The following MAP3K2 variants were observed in gnomAD, a reference collection of about 807,000 sequenced individuals.
The protein encoded by MAP3K2 is MAP/ERK kinase kinase 2.
MAP3K2 carries 24 observed loss-of-function variants against 80.3 expected under a neutral mutation model. The ratio of observed to expected loss-of-function variants is 0.30; its 90% confidence interval spans 0.22 to 0.42. MAP3K2 has a LOEUF of 0.42. MAP3K2 is among the 10% of genes least tolerant of loss of function. MAP3K2 has a pLI of 1.00. For synonymous variants in MAP3K2, 244 were observed against 253.7 expected, an observed-to-expected ratio of 0.96 and a Z score of 0.36; for missense variants, 608 against 750.1, an observed-to-expected ratio of 0.81 and a Z score of 2.21.
chr2:127,346,409 T>TAAAAA (rs1223353072), intron 1 of MAP3K2, among the ~76,000 whole-genome samples: 1,569 of 84,650 alleles, frequency 0.019, 12 homozygotes, highest in Middle Eastern at 0.027. Flanking sequence ...AAAACTGGTT[T>TAAAAA]TAAAAAAAAA....
intron 1 of MAP3K2, among the ~76,000 whole-genome samples, chr2:127,349,521 C>T (rs778859949): frequency 2.0e-4 from 31 of 152,012 alleles, no homozygotes; most frequent in Non-Finnish European, 4.1e-4. Flanking sequence ...CACTGTATTA[C>T]CTCAGTTTTT....
At position 127,330,078 on chromosome 2, in the gene MAP3K2, C is replaced by T. The variant is rs567951964; in HGVS notation, c.379-70G>A. Reference sequence around the variant, plus strand: ...GCTTTAAACAGAATCCTCTCCCCTACCAAGTACAAAACATTTTATATTGTT... The same window carrying T: ...GCTTTAAACAGAATCCTCTCCCCTATCAAGTACAAAACATTTTATATTGTT... On this transcript the variant is annotated intron_variant, in intron 6 of 16. Transcript: ENST00000682094. 3.6e-5 allele frequency: 30 copies of T among 840,580 alleles called. 1 individual carries two copies. The South Asian group carries it at 4.4e-4, about 12-fold the overall frequency. 52.1% of individuals were successfully genotyped at this position (840,580 alleles called of 1,614,324 possible).
chr2:127,309,729 G>A (rs918051816), intron 15 of MAP3K2, among the ~76,000 whole-genome samples: 1 of 152,106 alleles, frequency 6.6e-6, no homozygotes, highest in Non-Finnish European at 1.5e-5. Flanking sequence ...CCTCAATTAG[G>A]ATTTGTCTCA....
At chr2:127,357,781 CT>C (rs1236290323) in intron 1 of MAP3K2, among the ~76,000 whole-genome samples, 1 of 151,942 alleles carries the variant, frequency 6.6e-6, no homozygotes, top group East Asian at 1.9e-4. Context: ...AGCTGGATAC[CT>C]CAGCTGTCAC....
In MAP3K2 at chr2:127,299,434, A is replaced by G. The variant is rs1685548571; in HGVS notation, c.*8145T>C. On this transcript the variant is annotated 3_prime_UTR_variant, in exon 17 of 17. Transcript: ENST00000682094. ...GACCTTGCCCAGTGATAGAAAAACT[A>G]AAAGTTGAAATCTTTTGGGGTGGAA... 1 of 152,198 alleles carries G rather than the reference A, an allele frequency of 6.6e-6. No homozygotes were observed. Among genetic ancestry groups the G allele is most frequent in the East Asian group, 1.9e-4 (1 of 5,202 alleles). 9.4% of individuals were successfully genotyped at this position (152,198 alleles called of 1,614,324 possible). A position where few individuals can be genotyped will look rare whatever the true frequency, so the allele number is the denominator to read the frequency against.
At chr2:127,355,424 A>G (rs932167596) in intron 1 of MAP3K2, among the ~76,000 whole-genome samples, 1 of 152,188 alleles carries the variant, frequency 6.6e-6, no homozygotes, top group South Asian at 2.1e-4. Flanking sequence ...ACATCATAAT[A>G]AAGTGAATTT....
Position 127,322,369 on chromosome 2 carries a change from C to CA in MAP3K2, c.839-118dup. 1 of 626,332 alleles carries CA rather than the reference C, an allele frequency of 1.6e-6. No homozygotes were observed. The highest frequency in any genetic ancestry group is 2.7e-6 in the Non-Finnish European group (1 of 364,392). 38.8% of individuals were successfully genotyped at this position (626,332 alleles called of 1,614,324 possible). On this transcript the variant is annotated intron_variant, in intron 11 of 16. Coordinates refer to ENST00000682094, the MANE Select transcript of MAP3K2 (RefSeq NM_001371910.2). This position sits in a 1 kb window ranked among gnomAD's most constrained non-coding sequence, Gnocchi z 4.2. Reference sequence around the variant, plus strand: ...TGTCCTGTGACTAGGCTAAGAAACTCAAATAGGAATGATTGGGTGGGAAAA... The same window carrying CA: ...TGTCCTGTGACTAGGCTAAGAAACTCAAAATAGGAATGATTGGGTGGGAAAA...
At chr2:127,370,731 G>A (rs1259197142) in intron 1 of MAP3K2, among the ~76,000 whole-genome samples, 1 of 152,148 alleles carries the variant, frequency 6.6e-6, no homozygotes, top group African/African-American at 2.4e-5. Context: ...AGGACAACAG[G>A]TCCCAGTAAC....
At chr2:127,330,884 T>C (rs1270032410) in intron 5 of MAP3K2, among the ~76,000 whole-genome samples, 3 of 152,188 alleles carry the variant, frequency 2.0e-5, no homozygotes, top group African/African-American at 7.2e-5. Flanking sequence ...TTCTTCTGTA[T>C]AGATGAAACT....
Position 127,322,320 on chromosome 2 carries a change from T to C in MAP3K2, c.839-68A>G. 1 of 1,031,090 alleles carries C rather than the reference T, an allele frequency of 9.7e-7. No homozygotes were observed. The highest frequency in any genetic ancestry group is 1.4e-6 in the Non-Finnish European group (1 of 709,270). The allele number at this position is 1,031,090 out of a possible 1,614,324, so 63.9% of individuals were successfully genotyped here. A position where few individuals can be genotyped will look rare whatever the true frequency, so the allele number is the denominator to read the frequency against. ...TGTTATACTTTTAAAGTATTTAAAATTTGTAATGTAGAGAATAGAAATTTG... is the reference window on the plus strand; with the variant it reads ...TGTTATACTTTTAAAGTATTTAAAACTTGTAATGTAGAGAATAGAAATTTG... On this transcript the variant is annotated intron_variant, in intron 11 of 16. Transcript: ENST00000682094. This position sits in a 1 kb window ranked among gnomAD's most constrained non-coding sequence, Gnocchi z 4.2.
chr2:127,382,765 A>T (rs886172768), intron 1 of MAP3K2, among the ~76,000 whole-genome samples: 8 of 152,308 alleles, frequency 5.3e-5, no homozygotes, highest in Admixed American at 5.2e-4. Context: ...ACCTCAGGTG[A>T]TCCGCCTGCC....
chr2:127,302,338 A>G lies in MAP3K2; in HGVS notation c.*5241T>C, dbSNP rs755638824. ...ATGACTACACTCACTGTATGTCATCAGTAGGTCATACATTTGAGTTGTTCT... is the reference window on the plus strand; with the variant it reads ...ATGACTACACTCACTGTATGTCATCGGTAGGTCATACATTTGAGTTGTTCT... On this transcript the variant is annotated 3_prime_UTR_variant, in exon 17 of 17. Transcript: ENST00000682094. The G allele has an allele frequency of 1.3e-5, 2 of 152,142 alleles. No homozygotes were observed. The highest frequency in any genetic ancestry group is 2.4e-5 in the African/African-American group (1 of 41,438). The allele number at this position is 152,142 out of a possible 1,614,324, so 9.4% of individuals were successfully genotyped here. A position where few individuals can be genotyped will look rare whatever the true frequency, so the allele number is the denominator to read the frequency against.
rs935632335 is a variant in MAP3K2 at position 127,305,201 on chromosome 2, C to G, written c.*2378G>C. On this transcript the variant is annotated 3_prime_UTR_variant, in exon 17 of 17. Coordinates refer to ENST00000682094, the MANE Select transcript of MAP3K2 (RefSeq NM_001371910.2). ...GACCAAAAACGAGCCAAAGGAAAAG[C>G]ACAACTACACAAGACAGATATGAAG... 6.6e-6 allele frequency: 1 copy of G among 152,514 alleles called. No homozygotes were observed. The highest frequency in any genetic ancestry group is 1.5e-5 in the Non-Finnish European group (1 of 68,026). The allele number at this position is 152,514 out of a possible 1,614,324, so 9.4% of individuals were successfully genotyped here. A position where few individuals can be genotyped will look rare whatever the true frequency, so the allele number is the denominator to read the frequency against.
intron 15 of MAP3K2, 106 bp downstream of exon 15, chr2:127,314,648 T>G: frequency 1.1e-6 from 1 of 895,226 alleles, no homozygotes; most frequent in South Asian, 1.8e-5. Context: ...CCCTGTAGTA[T>G]TTCAGAGACA....
Position 127,322,618 on chromosome 2 carries a change from A to C in MAP3K2, c.839-366T>G, listed in dbSNP as rs1573983149. 6.6e-6 allele frequency among the ~76,000 whole-genome samples: 1 copy of C among 152,074 alleles called. No homozygotes were observed. The highest frequency in any genetic ancestry group is 2.4e-5 in the African/African-American group (1 of 41,424). On this transcript the variant is annotated intron_variant, in intron 11 of 16. Transcript: ENST00000682094. This position sits in a 1 kb window ranked among gnomAD's most constrained non-coding sequence, Gnocchi z 4.2. ...TTTTTTTCTTTTCTTTTTGAGATGG[A>C]GTTTCACTCTTGTTGCCCAGGCTGG... is the stretch of plus-strand genomic sequence containing the variant.
chr2:127,358,074 C>T (rs1157256406), intron 1 of MAP3K2, among the ~76,000 whole-genome samples: 1 of 151,820 alleles, frequency 6.6e-6, no homozygotes, highest in East Asian at 1.9e-4. Context: ...AAACACATAC[C>T]TGACAAAATA....
intron 5 of MAP3K2, 111 bp downstream of exon 5, chr2:127,335,759 C>A (rs1044562693): frequency 4.2e-5 from 24 of 571,816 alleles, no homozygotes; most frequent in Admixed American, 1.5e-4. Flanking sequence ...TTCTGACATA[C>A]CATATATTTA....
Position 127,328,899 on chromosome 2 carries a change from CT to C in MAP3K2, c.466+1021del, listed in dbSNP as rs577506806. ...TAACTTTTCTCTTTTAAATCCGCCC[CT>C]CATACATGTTTTCATGCCATCTTTA... On this transcript the variant is annotated intron_variant, in intron 7 of 16. Coordinates refer to ENST00000682094, the MANE Select transcript of MAP3K2 (RefSeq NM_001371910.2). Among the ~76,000 whole-genome samples the C allele has an allele frequency of 1.1e-3, 174 of 152,288 alleles. 1 individual carries two copies. Among genetic ancestry groups the C allele is most frequent in the African/African-American group, 4.1e-3 (169 of 41,554 alleles).
intron 1 of MAP3K2, among the ~76,000 whole-genome samples, chr2:127,372,834 C>CA (rs1687089181): frequency 1.3e-5 from 2 of 152,178 alleles, no homozygotes; most frequent in Admixed American, 1.3e-4. Context: ...ACAGAACCAT[C>CA]AAACAGCCCC....
Sources: gnomAD v4.1 joint callset for allele counts (sites outside exome capture counted in the v4.1 genomes callset) on GRCh38, gnomAD v4.1.1 for gene constraint, Gnocchi (gnomAD v3.1) non-coding constraint, MANE v1.5 for transcripts, NCBI Gene and HGNC (gene_info 2026-07-23, HGNC 2026-07-21) for gene names.